PDSS2: variants seen among roughly 807,000 people sequenced by gnomAD.
PDSS2 encodes the protein all trans-polyprenyl-diphosphate synthase PDSS2.
Under a neutral mutation model 44.5 loss-of-function variants are expected in PDSS2, and 31 were observed. The observed-to-expected ratio is 0.70, with a 90% CI of 0.52 to 0.94. The LOEUF is 0.94. PDSS2 is among the 40% of genes least tolerant of loss of function. The pLI is 0.00. For missense variants in PDSS2, 452 were observed against 482.2 expected (o/e 0.94, Z 0.59); for synonymous variants, 157 against 180.3 (o/e 0.87, Z 1.03).
At chr6:107,360,000 T>C (rs78722306) in intron 1 of PDSS2, among the ~76,000 whole-genome samples, 2 of 152,152 alleles carry the variant, frequency 1.3e-5, no homozygotes, top group African/African-American at 4.8e-5. Flanking sequence ...GTCCAGAAGC[T>C]AGCCATTCAG....
chr6:107,349,520 G>A (rs1020005169), intron 1 of PDSS2, among the ~76,000 whole-genome samples: 14 of 151,668 alleles, frequency 9.2e-5, no homozygotes, highest in Non-Finnish European at 1.3e-4. Flanking sequence ...AGGCCGAGGC[G>A]GATGGATCAC....
In PDSS2 at chr6:107,153,689, T is replaced by A. The variant is rs781957689; in HGVS notation, c.*930A>T. 1 of 152,658 alleles carries A rather than the reference T, an allele frequency of 6.6e-6. No individual in the cohort carries two copies. The highest frequency in any genetic ancestry group is 6.6e-5 in the Admixed American group (1 of 15,264). 9.5% of individuals were successfully genotyped at this position (152,658 alleles called of 1,614,324 possible). On this transcript the variant is annotated 3_prime_UTR_variant, in exon 8 of 8. Coordinates refer to ENST00000369037, the MANE Select transcript of PDSS2 (RefSeq NM_020381.4). ...AACATTTGATAACATTTTAATCTCCTACTTCAAGTATTTGGCAACTTTTCG... is the reference window on the plus strand; with the variant it reads ...AACATTTGATAACATTTTAATCTCCAACTTCAAGTATTTGGCAACTTTTCG...
chr6:107,389,859 A>G (rs1186116808), intron 1 of PDSS2, among the ~76,000 whole-genome samples: 3 of 152,148 alleles, frequency 2.0e-5, no homozygotes, highest in Non-Finnish European at 2.9e-5. Flanking sequence ...CCTTGGAGAA[A>G]TGGCTACTTC....
At chr6:107,402,005 G>A (rs1017660386) in intron 1 of PDSS2, among the ~76,000 whole-genome samples, 9 of 152,062 alleles carry the variant, frequency 5.9e-5, no homozygotes, top group Non-Finnish European at 8.8e-5. Context: ...TAGGCCGGGC[G>A]CAGTGGCTCA....
At chr6:107,273,281 G>A (rs1299349530) in intron 3 of PDSS2, among the ~76,000 whole-genome samples, 1 of 151,928 alleles carries the variant, frequency 6.6e-6, no homozygotes, top group South Asian at 2.1e-4. Flanking sequence ...ACCACACCTG[G>A]CCTTTAACCT....
rs193278867 is a variant in PDSS2, at chr6:107,413,192, A to C, written c.296+45798T>G. On this transcript the variant is annotated intron_variant, in intron 1 of 7. Transcript: ENST00000369037. Reference sequence around the variant, plus strand: ...TTTTATTAGGATCACTTCAATTTGTAAATTAAGTAAGAAAGAATTGACACT... The same window carrying C: ...TTTTATTAGGATCACTTCAATTTGTCAATTAAGTAAGAAAGAATTGACACT... Among the ~76,000 whole-genome samples the C allele has an allele frequency of 4.2e-3, 647 of 152,312 alleles. 4 individuals carry two copies. Among genetic ancestry groups the C allele is most frequent in the African/African-American group, 0.015 (608 of 41,556 alleles).
At chr6:107,427,771 T>C (rs1781051582) in intron 1 of PDSS2, among the ~76,000 whole-genome samples, 1 of 152,234 alleles carries the variant, frequency 6.6e-6, no homozygotes, top group African/African-American at 2.4e-5. Flanking sequence ...ATGACACTCA[T>C]TTGTAATGCA....
At chr6:107,427,899 T>G (rs1337885003) in intron 1 of PDSS2, among the ~76,000 whole-genome samples, 1 of 152,262 alleles carries the variant, frequency 6.6e-6, no homozygotes, top group Non-Finnish European at 1.5e-5. Context: ...GCATTTATAA[T>G]GAATTTACCA....
At chr6:107,294,003 G>C (rs974269049) in intron 2 of PDSS2, among the ~76,000 whole-genome samples, 2 of 152,140 alleles carry the variant, frequency 1.3e-5, no homozygotes, top group Non-Finnish European at 2.9e-5. Flanking sequence ...CTCCTTTAGA[G>C]AGCAAGCAGG....
At chr6:107,267,589 T>C (rs1775451314) in intron 3 of PDSS2, among the ~76,000 whole-genome samples, 1 of 70,318 alleles carries the variant, frequency 1.4e-5, no homozygotes, top group Non-Finnish European at 2.6e-5. Context: ...ATTCTCTTTC[T>C]TTTTTTTTTT....
intron 7 of PDSS2, among the ~76,000 whole-genome samples, chr6:107,167,587 T>A (rs1771400558): frequency 6.6e-6 from 1 of 152,242 alleles, no homozygotes; most frequent in Non-Finnish European, 1.5e-5. Flanking sequence ...CAATTTGAGA[T>A]CTTTTCTGCT....
intron 2 of PDSS2, among the ~76,000 whole-genome samples, chr6:107,308,272 AC>A (rs1162620552): frequency 1.3e-5 from 2 of 152,242 alleles, no homozygotes; most frequent in Non-Finnish European, 2.9e-5. Flanking sequence ...TTAAAAGAGA[AC>A]AGGTAAAAAT....
chr6:107,192,843 G>A (rs1772427630), intron 7 of PDSS2, among the ~76,000 whole-genome samples: 1 of 152,132 alleles, frequency 6.6e-6, no homozygotes, highest in South Asian at 2.1e-4. Context: ...AAAGGTGGGG[G>A]CCATGGGTGT....
At chr6:107,211,992 G>T in intron 5 of PDSS2, 117 bp downstream of exon 5, 1 of 847,504 alleles carries the variant, frequency 1.2e-6, no homozygotes, top group Non-Finnish European at 2.0e-6. Flanking sequence ...TGACAGATTT[G>T]AACCACACAA....
chr6:107,262,642 C>A (rs1023613445), intron 3 of PDSS2, among the ~76,000 whole-genome samples: 2 of 152,000 alleles, frequency 1.3e-5, no homozygotes, highest in Non-Finnish European at 2.9e-5. Flanking sequence ...CATGGTGGCA[C>A]GTGCCTGTAG....
At chr6:107,262,824 G>A (rs762547951) in intron 3 of PDSS2, among the ~76,000 whole-genome samples, 1 of 152,050 alleles carries the variant, frequency 6.6e-6, no homozygotes, top group Non-Finnish European at 1.5e-5. Flanking sequence ...GCTTACGCCT[G>A]TCATCTCAAC....
Position 107,334,400 on chromosome 6 carries a change from T to C in PDSS2, c.297-68A>G. ...GAGATCATCAGATAACTTAGAAAAC[T>C]GCTACAAAGATGCCCACACTTCTAA... On this transcript the variant is annotated intron_variant, in intron 1 of 7. Coordinates refer to ENST00000369037, the MANE Select transcript of PDSS2 (RefSeq NM_020381.4). 2.8e-6 allele frequency: 4 copies of C among 1,423,012 alleles called. No individual in the cohort carries two copies. The South Asian group carries it at 3.4e-5, about 12-fold the overall frequency. 88.1% of individuals were successfully genotyped at this position (1,423,012 alleles called of 1,614,324 possible). A position where few individuals can be genotyped will look rare whatever the true frequency, so the allele number is the denominator to read the frequency against.
intron 2 of PDSS2, among the ~76,000 whole-genome samples, chr6:107,287,377 C>T (rs1029057057): frequency 2.6e-5 from 4 of 152,130 alleles, no homozygotes; most frequent in Non-Finnish European, 4.4e-5. Flanking sequence ...GAATATACTA[C>T]TGTATTGGAC....
intron 7 of PDSS2, among the ~76,000 whole-genome samples, chr6:107,193,188 G>C (rs1406560622): frequency 1.3e-5 from 2 of 152,196 alleles, no homozygotes; most frequent in Non-Finnish European, 2.9e-5. Flanking sequence ...TTTAACCAGG[G>C]CTGTGTGTCA....
Sources: gnomAD v4.1 joint callset for allele counts (sites outside exome capture counted in the v4.1 genomes callset) on GRCh38, gnomAD v4.1.1 for gene constraint, MANE v1.5 for transcripts, NCBI Gene and HGNC (gene_info 2026-07-23, HGNC 2026-07-21) for gene names.